The following TEN1 variants were observed in gnomAD, a reference collection of about 807,000 sequenced individuals.
TEN1 encodes the protein CST complex subunit TEN1.
Under a neutral mutation model 9.3 loss-of-function variants are expected in TEN1, and 6 were observed. That is an observed-to-expected ratio of 0.65 (90% CI 0.35 to 1.27). TEN1 has a LOEUF of 1.27. TEN1 is among the 50% of genes most tolerant of loss of function. The pLI is 0.03. For synonymous variants in TEN1, 65 were observed against 65.6 expected, an observed-to-expected ratio of 0.99 and a Z score of 0.04; for missense variants, 149 against 158.2, an observed-to-expected ratio of 0.94 and a Z score of 0.31.
At chr17:75,994,732 T>C (rs939427098) in intron 3 of TEN1, among the ~76,000 whole-genome samples, 1 of 152,048 alleles carries the variant, frequency 6.6e-6, no homozygotes, top group Non-Finnish European at 1.5e-5. Context: ...TGCCTCAGCT[T>C]CCCAAAGTGC....
intron 1 of TEN1, 118 bp from the exon 2 acceptor site, chr17:75,986,069 T>C: frequency 1.3e-6 from 1 of 784,834 alleles, no homozygotes; most frequent in East Asian, 3.0e-5. Context: ...TTTAAAACAC[T>C]GCCTACTGGA....
intron 1 of TEN1, among the ~76,000 whole-genome samples, chr17:75,982,119 T>C (rs1478956725): frequency 4.6e-5 from 7 of 152,156 alleles, no homozygotes; most frequent in African/African-American, 1.7e-4. Flanking sequence ...TTATCTGACC[T>C]AGCTTGTTTG....
At chr17:75,988,397 C>T (rs141099275) in intron 2 of TEN1, among the ~76,000 whole-genome samples, 3 of 150,734 alleles carry the variant, frequency 2.0e-5, no homozygotes, top group Non-Finnish European at 4.4e-5. Flanking sequence ...CCTGTCTCTA[C>T]AAAATATACA....
At position 76,000,203 on chromosome 17, in the gene TEN1, T is replaced by C. The variant is rs530597962; in HGVS notation, c.313T>C (p.Leu105=). Residue 105 remains leucine (L), a synonymous_variant, in exon 4 of 4, where the codon TTG becomes CTG. Transcript: ENST00000397640. The surrounding 1 kb of genome is among the most constrained non-coding windows in gnomAD (Gnocchi z 5.9). ...TGTGGAGGGGATGAACCTGCCCTTG[T>C]TGGAACAAGCCATCCGGGAGCAGAG... ...TCVEGMNLPL[L]EQAIREQRLY... 2.8e-5 allele frequency: 44 copies of C among 1,551,408 alleles called. No homozygotes were observed. In the African/African-American group the frequency reaches 5.1e-4, roughly 18 times the overall value.
Position 75,987,762 on chromosome 17 carries a change from C to T in TEN1, c.92+1478C>T, listed in dbSNP as rs560434677. 4.6e-5 allele frequency among the ~76,000 whole-genome samples: 7 copies of T among 151,398 alleles called. No individual in the cohort carries two copies. In the East Asian group the frequency reaches 1.4e-3, roughly 30 times the overall value. ...CGAAACCCTGTCTCTACTAAAAATA[C>T]AAAAATTAGCCGGGCTTGGTGGTGG... On this transcript the variant is annotated intron_variant, in intron 2 of 3. Coordinates refer to ENST00000397640, the MANE Select transcript of TEN1 (RefSeq NM_001113324.3).
Position 75,993,432 on chromosome 17 carries a change from G to T in TEN1, c.250+1809G>T, listed in dbSNP as rs28374678. 1.4e-3 allele frequency among the ~76,000 whole-genome samples: 208 copies of T among 152,066 alleles called. 1 individual carries two copies. The highest frequency in any genetic ancestry group is 3.4e-3 in the Middle Eastern group (1 of 294). Reference sequence around the variant, plus strand: ...AAGTTCTTTAGAGAAGAGTCACAGCGAATGAACGCAGGAGAAATCCGTAAA... The same window carrying T: ...AAGTTCTTTAGAGAAGAGTCACAGCTAATGAACGCAGGAGAAATCCGTAAA... On this transcript the variant is annotated intron_variant, in intron 3 of 3. Coordinates refer to ENST00000397640, the MANE Select transcript of TEN1 (RefSeq NM_001113324.3).
At chr17:75,999,804 C>G (rs566476912) in intron 3 of TEN1, among the ~76,000 whole-genome samples, 1 of 152,120 alleles carries the variant, frequency 6.6e-6, no homozygotes, top group Non-Finnish European at 1.5e-5. Context: ...GCCAAACTTA[C>G]CGGGAGCTCA....
Position 76,000,519 on chromosome 17 carries a change from T to C in TEN1, c.*257T>C. On this transcript the variant is annotated 3_prime_UTR_variant, in exon 4 of 4. Transcript: ENST00000397640. This position sits in a 1 kb window ranked among gnomAD's most constrained non-coding sequence, Gnocchi z 5.9. The stretch of plus-strand genomic sequence containing the variant: ...CCGAGCTTGGGCGCCGGGGCCGTGC[T>C]TGGTGTGGGGCCATGGAGGGTTCCA... The C allele has an allele frequency of 1.9e-6, 1 of 512,988 alleles. No homozygotes were observed. Among genetic ancestry groups the C allele is most frequent in the Non-Finnish European group, 3.4e-6 (1 of 296,826 alleles). 31.8% of individuals were successfully genotyped at this position (512,988 alleles called of 1,614,324 possible).
At chr17:75,990,382 C>T (rs1007324732) in intron 2 of TEN1, among the ~76,000 whole-genome samples, 3 of 151,892 alleles carry the variant, frequency 2.0e-5, no homozygotes, top group Admixed American at 6.6e-5. Flanking sequence ...ACATCTTGAT[C>T]TTTACTTCAC....
chr17:75,998,301 G>A (rs547800133), intron 3 of TEN1, among the ~76,000 whole-genome samples: 2 of 150,062 alleles, frequency 1.3e-5, no homozygotes, highest in East Asian at 2.0e-4. Context: ...CCAAGTAGTC[G>A]GGCCTGGGTA....
chr17:75,980,977 C>G (rs980430188), intron 1 of TEN1, among the ~76,000 whole-genome samples: 1 of 152,144 alleles, frequency 6.6e-6, no homozygotes, highest in Non-Finnish European at 1.5e-5. Flanking sequence ...GTGGAGTGAA[C>G]AAATGGCTGC....
At chr17:75,982,459 G>A (rs6501846) in intron 1 of TEN1, among the ~76,000 whole-genome samples, 1,968 of 152,278 alleles carry the variant, frequency 0.013, 54 homozygotes, top group African/African-American at 0.045. Context: ...ACAGTAGAAT[G>A]TCCCTTAATT....
intron 2 of TEN1, among the ~76,000 whole-genome samples, chr17:75,989,401 C>T (rs1172984034): frequency 3.3e-5 from 5 of 149,712 alleles, no homozygotes; most frequent in East Asian, 2.0e-4. Context: ...TGTGAGCCAC[C>T]GCACCTGGCC....
At chr17:75,996,367 C>T (rs2066217865) in intron 3 of TEN1, among the ~76,000 whole-genome samples, 1 of 152,058 alleles carries the variant, frequency 6.6e-6, no homozygotes, top group African/African-American at 2.4e-5. Flanking sequence ...TGCCTGTAAT[C>T]CCAGCTATTC....
chr17:75,991,227 C>T (rs2066183909), intron 2 of TEN1, among the ~76,000 whole-genome samples: 1 of 151,022 alleles, frequency 6.6e-6, no homozygotes, highest in Non-Finnish European at 1.5e-5. Context: ...AAAGCTTCTG[C>T]TTATCAAAAT....
intron 3 of TEN1, among the ~76,000 whole-genome samples, chr17:75,997,085 G>A (rs544082570): frequency 2.6e-5 from 4 of 152,170 alleles, no homozygotes; most frequent in South Asian, 4.1e-4. Context: ...CTTCTGCTGC[G>A]TCCCTCTTGC....
chr17:75,985,551 T>G (rs949129452), intron 1 of TEN1, among the ~76,000 whole-genome samples: 1 of 152,162 alleles, frequency 6.6e-6, no homozygotes, highest in Non-Finnish European at 1.5e-5. Context: ...TGAGACGGAG[T>G]CTCGCTCTTA....
chr17:75,992,304 C>T (rs2066190990), intron 3 of TEN1, among the ~76,000 whole-genome samples: 1 of 151,616 alleles, frequency 6.6e-6, no homozygotes, highest in Admixed American at 6.6e-5. Flanking sequence ...GATCACAGCT[C>T]ACTGCAACCT....
chr17:75,987,615 T>C (rs2066159496), intron 2 of TEN1, among the ~76,000 whole-genome samples: 1 of 152,024 alleles, frequency 6.6e-6, no homozygotes, highest in Non-Finnish European at 1.5e-5. Flanking sequence ...TGTACATACA[T>C]ATAGAAGTAT....
Sources: gnomAD v4.1 joint callset for allele counts (sites outside exome capture counted in the v4.1 genomes callset) on GRCh38, gnomAD v4.1.1 for gene constraint, Gnocchi (gnomAD v3.1) non-coding constraint, MANE v1.5 for transcripts, NCBI Gene and HGNC (gene_info 2026-07-23, HGNC 2026-07-21) for gene names.